Variants in GALNTL6 observed in about 807,000 individuals in gnomAD.
The protein encoded by GALNTL6 is polypeptide N-acetylgalactosaminyltransferase like 6.
In GALNTL6, 46 loss-of-function variants were observed where a neutral mutation model predicts 73.7. That is an observed-to-expected ratio of 0.62 (90% CI 0.49 to 0.80). GALNTL6 has a LOEUF of 0.80. Among genes scored for constraint, GALNTL6 ranks in the 30% least tolerant of loss-of-function variants. GALNTL6 has a pLI of 0.00. For missense variants in GALNTL6, 604 were observed against 755.0 expected (o/e 0.80, Z 2.34); for synonymous variants, 259 against 263.7 (o/e 0.98, Z 0.17).
chr4:171,907,283 C>A (rs1252598079), intron 2 of GALNTL6, among the ~76,000 whole-genome samples: 2 of 152,168 alleles, frequency 1.3e-5, no homozygotes, highest in Non-Finnish European at 2.9e-5. Context: ...AGCTGATAAG[C>A]AACTTCAGCA....
chr4:172,301,764 G>T (rs1277318606), intron 3 of GALNTL6, among the ~76,000 whole-genome samples: 1 of 152,150 alleles, frequency 6.6e-6, no homozygotes, highest in Non-Finnish European at 1.5e-5. Context: ...CATGTGAGGT[G>T]TCAGTCTGCC....
intron 2 of GALNTL6, among the ~76,000 whole-genome samples, chr4:171,972,145 AG>A (rs1192787013): frequency 6.6e-6 from 1 of 152,188 alleles, no homozygotes; most frequent in Admixed American, 6.5e-5. Context: ...CATGCCAAAC[AG>A]AAACAAGCTC....
intron 3 of GALNTL6, among the ~76,000 whole-genome samples, chr4:172,259,786 A>C (rs1271941122): frequency 6.6e-6 from 1 of 151,678 alleles, no homozygotes; most frequent in African/African-American, 2.4e-5. Context: ...ATTTTTGTAT[A>C]AGGTGAGAGA....
At chr4:171,844,717 A>G (rs1326981033) in intron 2 of GALNTL6, among the ~76,000 whole-genome samples, 1 of 152,160 alleles carries the variant, frequency 6.6e-6, no homozygotes, top group Admixed American at 6.6e-5. Context: ...AGGAAAAATG[A>G]TTCCCCAAGA....
intron 5 of GALNTL6, among the ~76,000 whole-genome samples, chr4:172,792,942 G>T (rs544721826): frequency 9.9e-5 from 15 of 152,000 alleles, no homozygotes; most frequent in Admixed American, 4.6e-4. Context: ...AAAGTTCCAA[G>T]ATCTTCCCTT....
chr4:172,947,364 C>T (rs935807019), intron 9 of GALNTL6, among the ~76,000 whole-genome samples: 4 of 152,260 alleles, frequency 2.6e-5, no homozygotes, highest in Admixed American at 2.6e-4. Flanking sequence ...TGTGTGAACA[C>T]CCCTGGGAAT....
At chr4:172,954,828 A>G (rs1433423058) in intron 10 of GALNTL6, among the ~76,000 whole-genome samples, 2 of 152,106 alleles carry the variant, frequency 1.3e-5, no homozygotes, top group Non-Finnish European at 2.9e-5. Context: ...GCCTCAGAAC[A>G]GTAAACAAAT....
intron 5 of GALNTL6, among the ~76,000 whole-genome samples, chr4:172,776,872 T>C (rs1303397772): frequency 6.6e-6 from 1 of 152,046 alleles, no homozygotes; most frequent in Non-Finnish European, 1.5e-5. Flanking sequence ...CCTATCTTCT[T>C]TGAGTCTCCA....
At chr4:173,009,106 AC>A in intron 10 of GALNTL6, 71 bp from the exon 11 acceptor site, 1 of 961,902 alleles carries the variant, frequency 1.0e-6, no homozygotes, top group Non-Finnish European at 1.7e-6. Flanking sequence ...CTTAATCTAC[AC>A]CATGGTTGTT....
At chr4:172,831,358 C>T (rs192585125) in intron 7 of GALNTL6, among the ~76,000 whole-genome samples, 75 of 152,010 alleles carry the variant, frequency 4.9e-4, no homozygotes, top group Non-Finnish European at 9.0e-4. Flanking sequence ...CATAAACACC[C>T]GCAACACACC....
intron 5 of GALNTL6, among the ~76,000 whole-genome samples, chr4:172,646,888 T>C (rs1740267496): frequency 6.6e-6 from 1 of 152,082 alleles, no homozygotes; most frequent in Non-Finnish European, 1.5e-5. Context: ...ATACAAATCT[T>C]GACATTAGAA....
intron 9 of GALNTL6, among the ~76,000 whole-genome samples, chr4:172,937,315 A>G (rs956226866): frequency 3.9e-5 from 6 of 152,198 alleles, no homozygotes; most frequent in Admixed American, 6.5e-5. Flanking sequence ...AAATATTTTT[A>G]TTGATTTGCT....
At chr4:172,213,713 CTTTCCATTTTTTAAAATGGAAT>C (rs1056193804) in intron 2 of GALNTL6, among the ~76,000 whole-genome samples, 1 of 152,084 alleles carries the variant, frequency 6.6e-6, no homozygotes, top group African/African-American at 2.4e-5. Context: ...CAGTCTGTAG[CTTTCCATTTTTTAAAATGGAAT>C]TTTTACAATG....
At chr4:172,065,446 A>T (rs1487205957) in intron 2 of GALNTL6, among the ~76,000 whole-genome samples, 1 of 152,162 alleles carries the variant, frequency 6.6e-6, no homozygotes, top group Non-Finnish European at 1.5e-5. Flanking sequence ...CCTGCACTGT[A>T]TTACTCCAAC....
intron 2 of GALNTL6, among the ~76,000 whole-genome samples, chr4:171,829,911 T>C (rs548231519): frequency 6.6e-6 from 1 of 151,964 alleles, no homozygotes; most frequent in East Asian, 1.9e-4. Flanking sequence ...AATGCAGAGG[T>C]CATTCTAGAT....
At chr4:172,998,343 G>C (rs903659490) in intron 10 of GALNTL6, among the ~76,000 whole-genome samples, 1 of 152,194 alleles carries the variant, frequency 6.6e-6, no homozygotes. Context: ...GCATTTATAT[G>C]CTGCTTTTAA....
At chr4:172,602,857 A>C (rs73869556) in intron 5 of GALNTL6, among the ~76,000 whole-genome samples, 1 of 152,206 alleles carries the variant, frequency 6.6e-6, no homozygotes, top group South Asian at 2.1e-4. Context: ...TGAGAAAAAC[A>C]AATTATATTC....
intron 2 of GALNTL6, among the ~76,000 whole-genome samples, chr4:171,907,292 CAA>C (rs1737316454): frequency 6.6e-6 from 1 of 152,168 alleles, no homozygotes; most frequent in African/African-American, 2.4e-5. Flanking sequence ...GCAACTTCAG[CAA>C]AGTCTCAGAT....
intron 2 of GALNTL6, among the ~76,000 whole-genome samples, chr4:172,093,910 G>A (rs867434395): frequency 1.3e-5 from 2 of 152,036 alleles, no homozygotes; most frequent in South Asian, 2.1e-4. Context: ...ATGGTGAGTC[G>A]TATCATTATT....
Sources: allele counts gnomAD v4.1 joint callset (sites outside exome capture counted in the v4.1 genomes callset), GRCh38; gene constraint gnomAD v4.1.1; transcripts MANE v1.5; gene names NCBI Gene and HGNC (gene_info 2026-07-23, HGNC 2026-07-21).